Variants in DHRSX observed in about 807,000 individuals in gnomAD.
The protein encoded by DHRSX is dehydrogenase/reductase X-linked.
DHRSX carries 31 observed loss-of-function variants against 34.0 expected under a neutral mutation model. The observed-to-expected ratio is 0.91, with a 90% CI of 0.69 to 1.23. DHRSX has a LOEUF of 1.23. Among genes scored for constraint, DHRSX ranks in the 50% most tolerant of loss-of-function variants. The pLI, the probability that DHRSX is intolerant of heterozygous loss-of-function variation, is 0.00. For synonymous variants in DHRSX, 201 were observed against 183.8 expected (o/e 1.09, Z -0.76); for missense variants, 414 against 428.1 (o/e 0.97, Z 0.29).
chrX:2,436,460 C>CTT (rs1400864406), intron 1 of DHRSX, among the ~76,000 whole-genome samples: 23 of 84,028 alleles, frequency 2.7e-4, no homozygotes, highest in African/African-American at 3.4e-4. Flanking sequence ...TTTGCAGCAA[C>CTT]ATATTATTAT....
intron 6 of DHRSX, among the ~76,000 whole-genome samples, chrX:2,233,919 A>G (rs73626176): frequency 0.027 from 4,121 of 152,306 alleles, 206 homozygotes; most frequent in African/African-American, 0.094. Flanking sequence ...TTTCCCATAT[A>G]TTCTGTCGGC....
intron 3 of DHRSX, among the ~76,000 whole-genome samples, chrX:2,346,887 A>G (rs1185746440): frequency 6.6e-6 from 1 of 151,858 alleles, no homozygotes; most frequent in African/African-American, 2.4e-5. Flanking sequence ...CTTATGAGTG[A>G]GAACATGAGG....
chrX:2,243,161 G>C lies in DHRSX; in HGVS notation c.666C>G (p.Leu222=). Residue 222 remains leucine, a synonymous_variant, in exon 6 of 7, where the codon CTC becomes CTG. Transcript: ENST00000334651. ...KLALVLFTYH[L]QRLLAAEGSH... ...TTCCCTCAGCCGCCAGCAGCCGCTG[G>C]AGGTGGTAGGTGAACAGGACAAGGG... The C allele has an allele frequency of 6.2e-7, 1 of 1,613,962 alleles. No homozygotes were observed. Among genetic ancestry groups the C allele is most frequent in the Non-Finnish European group, 8.5e-7 (1 of 1,179,880 alleles).
chrX:2,342,549 AC>A (rs2042653904), intron 3 of DHRSX, among the ~76,000 whole-genome samples: 2 of 152,006 alleles, frequency 1.3e-5, no homozygotes, highest in Admixed American at 6.6e-5. Context: ...AAAATAGCCC[AC>A]CATGTCAACC....
intron 3 of DHRSX, among the ~76,000 whole-genome samples, chrX:2,395,659 G>A (rs989026997): frequency 1.3e-5 from 2 of 152,040 alleles, no homozygotes; most frequent in African/African-American, 4.8e-5. Flanking sequence ...CAGGGGACTT[G>A]GAATTTGGAG....
chrX:2,359,309 G>A (rs1425643011), intron 3 of DHRSX, among the ~76,000 whole-genome samples: 1 of 152,180 alleles, frequency 6.6e-6, no homozygotes, highest in Non-Finnish European at 1.5e-5. Flanking sequence ...GTGTATGTTC[G>A]TGGCAGCACC....
intron 4 of DHRSX, among the ~76,000 whole-genome samples, chrX:2,287,450 G>A (rs1285484718): frequency 2.6e-5 from 4 of 151,930 alleles, no homozygotes; most frequent in Non-Finnish European, 4.4e-5. Flanking sequence ...CCCTGAAGAT[G>A]TCCACATCCT....
chrX:2,387,308 T>C (rs1456875605), intron 3 of DHRSX, among the ~76,000 whole-genome samples: 1 of 152,156 alleles, frequency 6.6e-6, no homozygotes, highest in African/African-American at 2.4e-5. Context: ...GAACGGACCC[T>C]GTATTGGTCA....
chrX:2,242,321 C>T (rs1038328502), intron 6 of DHRSX, among the ~76,000 whole-genome samples: 9 of 148,638 alleles, frequency 6.1e-5, no homozygotes, highest in Non-Finnish European at 1.0e-4. Flanking sequence ...AGCTACACAG[C>T]GTCACCCACC....
chrX:2,442,477 T>C (rs2044075827), intron 1 of DHRSX, among the ~76,000 whole-genome samples: 1 of 151,714 alleles, frequency 6.6e-6, no homozygotes, highest in Non-Finnish European at 1.5e-5. Flanking sequence ...TGTGTGTATA[T>C]ATATATATTC....
At chrX:2,426,512 TTCCC>T (rs1343257277) in intron 1 of DHRSX, among the ~76,000 whole-genome samples, 3 of 143,522 alleles carry the variant, frequency 2.1e-5, no homozygotes, top group Admixed American at 6.9e-5. Flanking sequence ...CATTCCTTCC[TTCCC>T]TCCCTTTTTC....
chrX:2,283,948 ACTCATTCCTT>A lies in DHRSX; in HGVS notation c.388+7544_388+7553del, dbSNP rs1569483722. Among the ~76,000 whole-genome samples, 1,053 of 148,356 alleles carry A rather than the reference ACTCATTCCTT, an allele frequency of 7.1e-3. 10 individuals carry two copies. The highest frequency in any genetic ancestry group is 0.025 in the African/African-American group (1,007 of 39,840). On this transcript the variant is annotated intron_variant, in intron 4 of 6. Coordinates refer to ENST00000334651, the MANE Select transcript of DHRSX (RefSeq NM_145177.3). ...TGAATTCACTCATTCCTTTGAATTC[ACTCATTCCTT>A]TGAATTCACTCATTCCTTTGAATTC... is the stretch of plus-strand genomic sequence containing the variant.
At chrX:2,487,411 C>T (rs901540886) in intron 1 of DHRSX, 3 of 152,238 alleles carry the variant, frequency 2.0e-5, no homozygotes, top group Non-Finnish European at 4.4e-5. Context: ...GGCCTCCAGG[C>T]TGGAGTGCAG....
intron 3 of DHRSX, among the ~76,000 whole-genome samples, chrX:2,352,524 C>A (rs181784773): frequency 2.1e-4 from 32 of 152,188 alleles, no homozygotes; most frequent in African/African-American, 7.5e-4. Context: ...GCTCACCATG[C>A]GACAATTCTG....
intron 6 of DHRSX, among the ~76,000 whole-genome samples, chrX:2,234,420 A>G (rs1393122319): frequency 2.6e-5 from 4 of 152,026 alleles, no homozygotes; most frequent in African/African-American, 4.8e-5. Flanking sequence ...GCCCAGATCC[A>G]TGCACACAGC....
intron 6 of DHRSX, among the ~76,000 whole-genome samples, chrX:2,233,858 G>A (rs2015953794): frequency 6.6e-6 from 1 of 152,132 alleles, no homozygotes; most frequent in African/African-American, 2.4e-5. Flanking sequence ...AGAGAGGAAT[G>A]AATGGCTCAT....
chrX:2,304,192 GATGGATGGATAA>G lies in DHRSX; in HGVS notation c.287-12601_287-12590del, dbSNP rs1281806743. On this transcript the variant is annotated intron_variant, in intron 3 of 6. Transcript: ENST00000334651. ...GAACTGATGGATGGATGGATGGATG[GATGGATGGATAA>G]ATGGATGGATGGATGGATGGATGGA... 7.8e-3 allele frequency among the ~76,000 whole-genome samples: 877 copies of G among 113,040 alleles called. 28 individuals carry two copies. The highest frequency in any genetic ancestry group is 0.011 in the Non-Finnish European group (616 of 54,008). 74.2% of individuals were successfully genotyped at this position (113,040 alleles called of 152,430 possible). A position where few individuals can be genotyped will look rare whatever the true frequency, so the allele number is the denominator to read the frequency against.
intron 1 of DHRSX, among the ~76,000 whole-genome samples, chrX:2,434,717 A>G (rs2043972554): frequency 6.6e-6 from 1 of 152,202 alleles, no homozygotes; most frequent in Non-Finnish European, 1.5e-5. Flanking sequence ...TTTTTGGCTC[A>G]GCTATTCCAC....
chrX:2,478,572 A>G (rs2044717417), intron 1 of DHRSX, among the ~76,000 whole-genome samples: 2 of 75,546 alleles, frequency 2.6e-5, no homozygotes, highest in African/African-American at 1.5e-4. Flanking sequence ...TTCCCTAAGA[A>G]TATGGCTAAG....
Sources: allele counts gnomAD v4.1 joint callset (sites outside exome capture counted in the v4.1 genomes callset), GRCh38; gene constraint gnomAD v4.1.1; transcripts MANE v1.5; gene names NCBI Gene and HGNC (gene_info 2026-07-23, HGNC 2026-07-21).